The following PHKA1 variants were observed in gnomAD, a reference collection of about 807,000 sequenced individuals.
The protein encoded by PHKA1 is phosphorylase b kinase regulatory subunit alpha, skeletal muscle isoform.
PHKA1 carries 60 observed loss-of-function variants against 110.2 expected under a neutral mutation model. That is an observed-to-expected ratio of 0.54 (90% CI 0.44 to 0.68). PHKA1 has a LOEUF of 0.68. Ranked by LOEUF, PHKA1 falls within the 30% of genes least tolerant of loss-of-function variation. PHKA1 has a pLI of 0.00. For missense variants in PHKA1, 801 were observed against 942.5 expected (o/e 0.85, Z 1.97); for synonymous variants, 316 against 333.6 (o/e 0.95, Z 0.58).
At chrX:72,593,685 A>G (rs1291198306) in intron 28 of PHKA1, among the ~76,000 whole-genome samples, 1 of 112,744 alleles carries the variant, frequency 8.9e-6, no homozygotes, top group Non-Finnish European at 1.9e-5. Flanking sequence ...ACTCTGCAGA[A>G]TTATAAACCA....
chrX:72,637,742 T>C (rs1292686447), intron 14 of PHKA1, among the ~76,000 whole-genome samples: 1 of 111,709 alleles, frequency 9.0e-6, no homozygotes, highest in Non-Finnish European at 1.9e-5. Context: ...TCCATATAAA[T>C]TTTAGAACAA....
chrX:72,653,840 G>A (rs1556300129), intron 10 of PHKA1, among the ~76,000 whole-genome samples: 3 of 110,922 alleles, frequency 2.7e-5, no homozygotes. Flanking sequence ...TTGAGTCCAG[G>A]GTGTAGCCAT....
At chrX:72,647,129 CAA>C (rs371176636) in intron 13 of PHKA1, among the ~76,000 whole-genome samples, 5 of 80,589 alleles carry the variant, frequency 6.2e-5, no homozygotes, top group Non-Finnish European at 7.4e-5. Flanking sequence ...GACTCCATCT[CAA>C]AAAAAAAAAA....
chrX:72,681,338 C>A lies in PHKA1; in HGVS notation c.537+3160G>T, dbSNP rs1238696013. 2.8e-4 allele frequency among the ~76,000 whole-genome samples: 31 copies of A among 111,669 alleles called. No homozygotes were observed. In the East Asian group the frequency reaches 8.3e-3, roughly 30 times the overall value. ...GAGCCCCTCCGCCCGGCAGCTGCCC[C>A]GTCTGAGAAGTGAGGAGCCTCTCCG... is the stretch of plus-strand genomic sequence containing the variant. On this transcript the variant is annotated intron_variant, in intron 5 of 31. Coordinates refer to ENST00000373542, the MANE Select transcript of PHKA1 (RefSeq NM_002637.4).
intron 27 of PHKA1, 54 bp downstream of exon 27, chrX:72,602,104 A>G (rs1210179321): frequency 9.1e-7 from 1 of 1,093,625 alleles, no homozygotes; most frequent in Non-Finnish European, 1.3e-6. Flanking sequence ...TGATTCCAAA[A>G]GAATGTTCTG....
chrX:72,634,461 C>A (rs1463291880), intron 16 of PHKA1, among the ~76,000 whole-genome samples: 1 of 108,521 alleles, frequency 9.2e-6, no homozygotes, highest in Non-Finnish European at 1.9e-5. Context: ...AGGAGAAACA[C>A]AGAAAGGAAG....
Position 72,652,655 on chromosome X carries a change from A to G in PHKA1, c.1138-4T>C. The G allele has an allele frequency of 2.8e-6, 3 of 1,072,253 alleles. No homozygotes were observed. Among genetic ancestry groups the G allele is most frequent in the Non-Finnish European group, 3.9e-6 (3 of 769,106 alleles). The allele number at this position is 1,072,253 out of a possible 1,213,427, so 88.4% of individuals were successfully genotyped here. ...GATTCTGATATTCTTCATCGACCTA[A>G]AAGAAAAGATGAAGAGGCCAGATGA... is the stretch of plus-strand genomic sequence containing the variant. On this transcript the variant is annotated splice_region_variant and splice_polypyrimidine_tract_variant and intron_variant, in intron 11 of 31. Coordinates refer to ENST00000373542, the MANE Select transcript of PHKA1 (RefSeq NM_002637.4).
At chrX:72,681,358 T>C (rs1434925790) in intron 5 of PHKA1, among the ~76,000 whole-genome samples, 2 of 105,818 alleles carry the variant, frequency 1.9e-5, no homozygotes, top group Non-Finnish European at 4.0e-5. Context: ...GTGAGGAGCC[T>C]CTCCGCCCGG....
At chrX:72,676,272 T>C (rs1426213896) in intron 5 of PHKA1, 122 bp from the exon 6 acceptor site, 1 of 458,825 alleles carries the variant, frequency 2.2e-6, no homozygotes, top group Admixed American at 3.5e-5. Context: ...TATATATATA[T>C]ATATACCCAC....
chrX:72,582,887 A>G (rs781868354), intron 30 of PHKA1, among the ~76,000 whole-genome samples: 2 of 111,996 alleles, frequency 1.8e-5, no homozygotes, highest in African/African-American at 3.2e-5. Context: ...GAGTACTTAT[A>G]GTAGCTTTAG....
At position 72,669,524 on chromosome X, in the gene PHKA1, TCC is replaced by T. The variant is rs781989698; in HGVS notation, c.619-2053_619-2052del. 5.1e-4 allele frequency among the ~76,000 whole-genome samples: 26 copies of T among 50,859 alleles called. 1 individual carries two copies. The highest frequency in any genetic ancestry group is 4.7e-3 in the East Asian group (6 of 1,283). 44.2% of individuals were successfully genotyped at this position (50,859 alleles called of 115,157 possible). A position where few individuals can be genotyped will look rare whatever the true frequency, so the allele number is the denominator to read the frequency against. ...TAGGTATATCTCCTAATGCTATCCC[TCC>T]CCCCTCCCCCCACCCCACAACAGGC... On this transcript the variant is annotated intron_variant, in intron 6 of 31. Transcript: ENST00000373542.
Position 72,615,747 on chromosome X carries a change from A to C in PHKA1, c.2369+2963T>G, listed in dbSNP as rs1270839052. Among the ~76,000 whole-genome samples the C allele has an allele frequency of 1.0e-4, 7 of 67,519 alleles. No homozygotes were observed. In the Admixed American group the frequency reaches 1.1e-3, roughly 10 times the overall value. 58.6% of individuals were successfully genotyped at this position (67,519 alleles called of 115,157 possible). A position where few individuals can be genotyped will look rare whatever the true frequency, so the allele number is the denominator to read the frequency against. ...GAAGGAAGGAAGGAAGGAAAGAAGG[A>C]GGGGGGGAAGGAAGGAAGGAAGGAA... On this transcript the variant is annotated intron_variant, in intron 21 of 31. Coordinates refer to ENST00000373542, the MANE Select transcript of PHKA1 (RefSeq NM_002637.4).
intron 21 of PHKA1, among the ~76,000 whole-genome samples, chrX:72,611,654 G>A (rs1435624197): frequency 8.9e-6 from 1 of 111,866 alleles, no homozygotes; most frequent in East Asian, 2.8e-4. Flanking sequence ...AATACTGCTG[G>A]CAAAACAAAT....
chrX:72,638,373 CA>C (rs781972512), intron 14 of PHKA1, among the ~76,000 whole-genome samples: 525 of 38,027 alleles, frequency 0.014, 2 homozygotes, highest in Middle Eastern at 0.048. Context: ...GAGCTTCTCT[CA>C]AAAAAAAAAA....
At chrX:72,662,442 C>T (rs781984273) in intron 8 of PHKA1, among the ~76,000 whole-genome samples, 5 of 112,135 alleles carry the variant, frequency 4.5e-5, no homozygotes, top group African/African-American at 6.5e-5. Flanking sequence ...AGAAAGCCAA[C>T]CCTGGACCAG....
chrX:72,699,660 C>T (rs1556328821), intron 3 of PHKA1, among the ~76,000 whole-genome samples: 1 of 110,528 alleles, frequency 9.0e-6, no homozygotes, highest in African/African-American at 3.3e-5. Context: ...ATGTATCTTC[C>T]TATATGGGCT....
intron 16 of PHKA1, among the ~76,000 whole-genome samples, chrX:72,627,755 A>C (rs926035332): frequency 9.1e-6 from 1 of 109,486 alleles, no homozygotes; most frequent in African/African-American, 3.3e-5. Flanking sequence ...ATTACCCACT[A>C]TAAGAGTTGT....
chrX:72,585,650 G>A (rs2052414383), intron 29 of PHKA1, among the ~76,000 whole-genome samples: 1 of 112,076 alleles, frequency 8.9e-6, no homozygotes, highest in African/African-American at 3.2e-5. Context: ...AGGGGTTGGG[G>A]GATTTCCCTT....
chrX:72,668,629 A>G (rs1363378913), intron 6 of PHKA1, among the ~76,000 whole-genome samples: 1 of 111,675 alleles, frequency 9.0e-6, no homozygotes, highest in Non-Finnish European at 1.9e-5. Flanking sequence ...CCAGTTTTGA[A>G]AGTCTTCCCT....
Sources: gnomAD v4.1 joint callset for allele counts (sites outside exome capture counted in the v4.1 genomes callset) on GRCh38, gnomAD v4.1.1 for gene constraint, MANE v1.5 for transcripts, NCBI Gene and HGNC (gene_info 2026-07-23, HGNC 2026-07-21) for gene names.